ZNF536: variants seen among roughly 807,000 people sequenced by gnomAD.
ZNF536 encodes zinc finger protein 536.
ZNF536 carries 13 observed loss-of-function variants against 84.5 expected under a neutral mutation model. The observed-to-expected ratio is 0.15, with a 90% confidence interval of 0.10 to 0.24. ZNF536 has a LOEUF of 0.24. Ranked by LOEUF, ZNF536 falls within the 10% of genes least tolerant of loss-of-function variation. ZNF536 has a pLI of 1.00. For synonymous variants in ZNF536, 811 were observed against 742.5 expected, an observed-to-expected ratio of 1.09 and a Z score of -1.50; for missense variants, 1,536 against 1,747.5, an observed-to-expected ratio of 0.88 and a Z score of 2.16.
intron 1 of ZNF536, among the ~76,000 whole-genome samples, chr19:30,234,951 T>G (rs2903397): frequency 0.81 from 123,618 of 152,120 alleles, 50,540 homozygotes; most frequent in African/African-American, 0.89. Context: ...TTCATGCAAG[T>G]ACCAGATCGT....
At chr19:30,419,331 C>G (rs549388913) in intron 1 of ZNF536, among the ~76,000 whole-genome samples, 123 of 152,278 alleles carry the variant, frequency 8.1e-4, no homozygotes, top group Non-Finnish European at 1.4e-3. Context: ...ACAGTTTTGT[C>G]TTTATTGCTG....
chr19:30,563,629 T>C (rs2146455407), intron 1 of ZNF536, among the ~76,000 whole-genome samples: 1 of 152,342 alleles, frequency 6.6e-6, no homozygotes, highest in East Asian at 1.9e-4. Context: ...TTTGCACAGG[T>C]TAAACACCTG....
upstream of ZNF536, among the ~76,000 whole-genome samples, chr19:30,369,311 A>G (rs1257970684): frequency 6.6e-6 from 1 of 152,218 alleles, no homozygotes; most frequent in Non-Finnish European, 1.5e-5. Flanking sequence ...TGGTGGAAAC[A>G]TGTATTTGGT....
intron 2 of ZNF536, among the ~76,000 whole-genome samples, chr19:30,447,288 A>C (rs1334126708): frequency 2.0e-5 from 3 of 152,168 alleles, no homozygotes; most frequent in South Asian, 2.1e-4. Flanking sequence ...TGCCAGTTTT[A>C]GCTTTGCTGT....
intron 1 of ZNF536, among the ~76,000 whole-genome samples, chr19:30,390,034 T>G (rs1331712376): frequency 6.6e-6 from 1 of 152,176 alleles, no homozygotes; most frequent in Admixed American, 6.5e-5. Context: ...TGGTAGATAT[T>G]CAATGGGGGA....
intron 1 of ZNF536, among the ~76,000 whole-genome samples, chr19:30,246,678 G>A (rs565585142): frequency 1.3e-5 from 2 of 152,334 alleles, no homozygotes; most frequent in South Asian, 4.1e-4. Context: ...AATGAAGAGT[G>A]TGGGTCTTTG....
chr19:30,590,934 C>T (rs1224258389), intron 1 of ZNF536, among the ~76,000 whole-genome samples: 2 of 152,220 alleles, frequency 1.3e-5, no homozygotes, highest in Non-Finnish European at 2.9e-5. Flanking sequence ...GCAAAGGGCA[C>T]CTGCAGAAAG....
intron 2 of ZNF536, among the ~76,000 whole-genome samples, chr19:30,521,801 C>A (rs10415441): frequency 1.6e-3 from 240 of 152,134 alleles, no homozygotes; most frequent in African/African-American, 5.5e-3. Context: ...AGGTGCTAAC[C>A]GCGGTGATAA....
At chr19:30,440,189 G>A (rs2051969459) in intron 1 of ZNF536, among the ~76,000 whole-genome samples, 1 of 151,904 alleles carries the variant, frequency 6.6e-6, no homozygotes, top group Admixed American at 6.6e-5. Flanking sequence ...GCGAACTCCT[G>A]ACTTCAAGTG....
upstream of ZNF536, among the ~76,000 whole-genome samples, chr19:30,227,986 C>A (rs1035137909): frequency 3.9e-5 from 6 of 152,130 alleles, no homozygotes; most frequent in Non-Finnish European, 8.8e-5. Context: ...CGCGCCCTGA[C>A]CTTGACGCCC....
At chr19:30,459,777 T>TC (rs1490949029) in intron 2 of ZNF536, among the ~76,000 whole-genome samples, 2 of 152,212 alleles carry the variant, frequency 1.3e-5, no homozygotes, top group Admixed American at 6.5e-5. Flanking sequence ...CATCAGGCTC[T>TC]CTTCGCTGGA....
At chr19:30,362,930 G>A (rs1057181161) in intron 3 of ZNF536, among the ~76,000 whole-genome samples, 3 of 152,058 alleles carry the variant, frequency 2.0e-5, no homozygotes, top group East Asian at 1.9e-4. Flanking sequence ...GTGATGGTGC[G>A]TGCCTGTAGT....
At chr19:30,304,835 T>C (rs980168379) in intron 2 of ZNF536, among the ~76,000 whole-genome samples, 24 of 152,206 alleles carry the variant, frequency 1.6e-4, no homozygotes, top group Non-Finnish European at 2.8e-4. Flanking sequence ...GGGGAAATGA[T>C]GGACGGTGGA....
chr19:30,454,824 G>C (rs906077768), intron 2 of ZNF536, among the ~76,000 whole-genome samples: 2 of 152,242 alleles, frequency 1.3e-5, no homozygotes, highest in Admixed American at 1.3e-4. Flanking sequence ...CATGAGGTCA[G>C]GAGTTCGAGA....
intron 2 of ZNF536, among the ~76,000 whole-genome samples, chr19:30,482,181 T>A (rs550866042): frequency 1.3e-5 from 2 of 152,180 alleles, no homozygotes; most frequent in Admixed American, 1.3e-4. Flanking sequence ...TGACGTCTTT[T>A]CCTTTGGGTA....
chr19:30,264,195 C>G (rs2025375987), intron 1 of ZNF536, among the ~76,000 whole-genome samples: 1 of 152,174 alleles, frequency 6.6e-6, no homozygotes, highest in Non-Finnish European at 1.5e-5. Flanking sequence ...CCCGGAGAGG[C>G]CTGCCCTCTA....
chr19:30,354,274 T>C (rs1432830545), intron 3 of ZNF536, among the ~76,000 whole-genome samples: 1 of 152,198 alleles, frequency 6.6e-6, no homozygotes, highest in African/African-American at 2.4e-5. Flanking sequence ...GAGACACAGA[T>C]ATCCTTTGGA....
intron 1 of ZNF536, among the ~76,000 whole-genome samples, chr19:30,589,919 G>A (rs2047219504): frequency 6.6e-6 from 1 of 152,168 alleles, no homozygotes; most frequent in South Asian, 2.1e-4. Context: ...GTCTAGGGGT[G>A]CCATGTGGAG....
intron 1 of ZNF536, among the ~76,000 whole-genome samples, chr19:30,677,409 C>T (rs1486864141): frequency 6.6e-6 from 1 of 152,248 alleles, no homozygotes; most frequent in Non-Finnish European, 1.5e-5. Flanking sequence ...GATGCATCTG[C>T]AGAGGGCAGC....
Sources: allele counts gnomAD v4.1 joint callset (sites outside exome capture counted in the v4.1 genomes callset), GRCh38; gene constraint gnomAD v4.1.1; transcripts MANE v1.5; gene names NCBI Gene and HGNC (gene_info 2026-07-23, HGNC 2026-07-21).